RIPOR3: variants seen among roughly 807,000 people sequenced by gnomAD.
The protein encoded by RIPOR3 is RIPOR family member 3.
RIPOR3 carries 95 observed loss-of-function variants against 114.3 expected under a neutral mutation model. The observed-to-expected ratio is 0.83, with a 90% confidence interval of 0.70 to 0.99. RIPOR3 has a LOEUF of 0.99. RIPOR3 is among the 50% of genes least tolerant of loss of function. The pLI, the probability that RIPOR3 is intolerant of heterozygous loss-of-function variation, is 0.00. For synonymous variants in RIPOR3, 575 were observed against 543.8 expected (o/e 1.06, Z -0.80); for missense variants, 1,252 against 1,266.9 (o/e 0.99, Z 0.18).
At chr20:50,629,056 G>C (rs1168202905) in intron 2 of RIPOR3, among the ~76,000 whole-genome samples, 1 of 152,200 alleles carries the variant, frequency 6.6e-6, no homozygotes. Flanking sequence ...ACGGGAACTG[G>C]AGGTGGAGGA....
Position 50,587,829 on chromosome 20 carries a change from C to T in RIPOR3, c.2725G>A (p.Ala909Thr). The change falls in exon 21 of 22, where the codon GCA becomes ACA. Residue 909 changes from alanine (A) to threonine (T), a missense_variant. Transcript: ENST00000327979. ...AACGACAGTGTGGTTTCCCGGGCTG[C>T]CGCCCGCACGGCCTCCAGGTCAGAC... is the stretch of plus-strand genomic sequence containing the variant. ...CQSDLEAVRA[A>T]ARETTLSFGE... The T allele has an allele frequency of 6.2e-7, 1 of 1,614,208 alleles. No homozygotes were observed. The highest frequency in any genetic ancestry group is 8.5e-7 in the Non-Finnish European group (1 of 1,180,050).
intron 8 of RIPOR3, 121 bp downstream of exon 8, chr20:50,609,172 A>T: frequency 7.4e-7 from 1 of 1,347,732 alleles, no homozygotes; most frequent in Non-Finnish European, 1.0e-6. Flanking sequence ...CACATGTCAC[A>T]TGGATGCAAA....
intron 1 of RIPOR3, among the ~76,000 whole-genome samples, chr20:50,641,644 A>T (rs1003265243): frequency 1.3e-5 from 2 of 152,142 alleles, no homozygotes; most frequent in Non-Finnish European, 2.9e-5. Context: ...CCATCCTGGG[A>T]ATCTGTCCCC....
In RIPOR3 at chr20:50,625,402, C is replaced by T. The variant is rs1023053920; in HGVS notation, c.123-5270G>A. On this transcript the variant is annotated intron_variant, in intron 2 of 21. Coordinates refer to ENST00000327979, the MANE Select transcript of RIPOR3 (RefSeq NM_001290268.2). ...GCTCTTGGTGCTTTACATGTATGGA[C>T]TCATTTCTCCTGACACAGTCTTTGA... is the stretch of plus-strand genomic sequence containing the variant. Among the ~76,000 whole-genome samples, 8 of 152,196 alleles carry T rather than the reference C, an allele frequency of 5.3e-5. No homozygotes were observed. In the South Asian group the frequency reaches 1.7e-3, roughly 32 times the overall value.
At chr20:50,607,631 C>T (rs973886051) in intron 11 of RIPOR3, among the ~76,000 whole-genome samples, 5 of 152,152 alleles carry the variant, frequency 3.3e-5, no homozygotes, top group South Asian at 2.1e-4. Context: ...GGCCCCTGGG[C>T]GAGGGGTATT....
At chr20:50,642,708 C>T (rs1422333212) in intron 1 of RIPOR3, among the ~76,000 whole-genome samples, 2 of 151,762 alleles carry the variant, frequency 1.3e-5, no homozygotes, top group African/African-American at 2.4e-5. Context: ...CTCTGCCTCC[C>T]TCTCACCCTC....
chr20:50,652,796 G>A (rs997609871), intron 1 of RIPOR3, among the ~76,000 whole-genome samples: 4 of 152,168 alleles, frequency 2.6e-5, no homozygotes, highest in African/African-American at 4.8e-5. Flanking sequence ...CACAGCAAGC[G>A]CTGGAGAGGA....
chr20:50,669,842 G>T (rs1005651765), intron 1 of RIPOR3, among the ~76,000 whole-genome samples: 5 of 151,478 alleles, frequency 3.3e-5, no homozygotes, highest in Non-Finnish European at 5.9e-5. Flanking sequence ...GTCAGATGCA[G>T]TAGAGAAGAG....
rs2123237054 is a variant in RIPOR3, at chr20:50,629,258, T to C, written c.122+1480A>G. On this transcript the variant is annotated intron_variant, in intron 2 of 21. Coordinates refer to ENST00000327979, the MANE Select transcript of RIPOR3 (RefSeq NM_001290268.2). Reference sequence around the variant, plus strand: ...AGCATGGTGGGATTTTATTGTTGACTGACTCACTGACCTACTGAGTTCTGC... The same window carrying C: ...AGCATGGTGGGATTTTATTGTTGACCGACTCACTGACCTACTGAGTTCTGC... Among the ~76,000 whole-genome samples the C allele has an allele frequency of 1.3e-5, 2 of 152,294 alleles. 1 individual carries two copies. The highest frequency in any genetic ancestry group is 1.3e-4 in the Admixed American group (2 of 15,310).
intron 1 of RIPOR3, among the ~76,000 whole-genome samples, chr20:50,644,964 C>T (rs963181025): frequency 6.6e-6 from 1 of 151,788 alleles, no homozygotes; most frequent in African/African-American, 2.4e-5. Context: ...CTCAGCCTCC[C>T]GAGTAGCTGA....
intron 17 of RIPOR3, 34 bp downstream of exon 17, chr20:50,594,519 G>T (rs1466314461): frequency 6.3e-7 from 1 of 1,598,726 alleles, no homozygotes; most frequent in Non-Finnish European, 8.6e-7. Context: ...CAGCCTTTCT[G>T]TGGGAGGGGA....
chr20:50,645,639 C>G (rs908286220), intron 1 of RIPOR3: 1 of 152,936 alleles, frequency 6.5e-6, no homozygotes, highest in African/African-American at 2.4e-5. Context: ...TGCTGTCCAT[C>G]CCTGCCACAC....
At chr20:50,652,776 A>G (rs893295330) in intron 1 of RIPOR3, among the ~76,000 whole-genome samples, 2 of 152,138 alleles carry the variant, frequency 1.3e-5, no homozygotes, top group Admixed American at 6.6e-5. Context: ...TCGTCATCCA[A>G]AAGACAGACC....
intron 4 of RIPOR3, among the ~76,000 whole-genome samples, chr20:50,612,927 T>C (rs1477233690): frequency 6.6e-6 from 1 of 152,008 alleles, no homozygotes; most frequent in Non-Finnish European, 1.5e-5. Flanking sequence ...ACCCCATCTC[T>C]ACAAAAAATT....
At chr20:50,592,246 C>T (rs756657230) in intron 19 of RIPOR3, 98 bp downstream of exon 19, 2 of 1,284,038 alleles carry the variant, frequency 1.6e-6, no homozygotes, top group Non-Finnish European at 2.1e-6. Context: ...TACTGCAGCC[C>T]CTGGCACTCA....
chr20:50,623,679 G>A (rs959854601), intron 2 of RIPOR3, among the ~76,000 whole-genome samples: 1 of 115,826 alleles, frequency 8.6e-6, no homozygotes, highest in Non-Finnish European at 1.6e-5. Context: ...GCCAGGGCTA[G>A]TGGGCTGCTG....
intron 1 of RIPOR3, among the ~76,000 whole-genome samples, chr20:50,675,557 AG>A (rs2086652138): frequency 1.3e-5 from 2 of 152,194 alleles, no homozygotes; most frequent in South Asian, 4.1e-4. Context: ...CAAGTGCTAG[AG>A]CCACTTCCTT....
At chr20:50,682,612 A>ATATGTGTGTGTGTGTGTGTGTG (rs145272267) in intron 1 of RIPOR3, among the ~76,000 whole-genome samples, 1 of 146,792 alleles carries the variant, frequency 6.8e-6, no homozygotes, top group Non-Finnish European at 1.5e-5. Flanking sequence ...GTCTCAAAAT[A>ATATGTGTGTGTGTGTGTGTGTG]TGTGTGTGTG....
rs543548547 is a variant in RIPOR3, at chr20:50,586,344, T to G, written c.*888A>C. ...ACATGGTTTGCTTTTTTTTAAGACT[T>G]AAATAGGAAACTAATTTTTCTTTCT... On this transcript the variant is annotated 3_prime_UTR_variant, in exon 22 of 22. Coordinates refer to ENST00000327979, the MANE Select transcript of RIPOR3 (RefSeq NM_001290268.2). 6.6e-6 allele frequency: 1 copy of G among 152,454 alleles called. No individual in the cohort carries two copies. Among genetic ancestry groups the G allele is most frequent in the South Asian group, 2.1e-4 (1 of 4,834 alleles). 9.4% of individuals were successfully genotyped at this position (152,454 alleles called of 1,614,324 possible).
Sources: gnomAD v4.1 joint callset for allele counts (sites outside exome capture counted in the v4.1 genomes callset) on GRCh38, gnomAD v4.1.1 for gene constraint, MANE v1.5 for transcripts, NCBI Gene and HGNC (gene_info 2026-07-23, HGNC 2026-07-21) for gene names.